The following RAB7B variants were observed in gnomAD, a reference collection of about 807,000 sequenced individuals.
The protein encoded by RAB7B is ras-related protein Rab-7b.
chr1:205,998,496 C>T (rs1178568425), intron 1 of RAB7B, among the ~76,000 whole-genome samples: 3 of 152,174 alleles, frequency 2.0e-5, no homozygotes, highest in African/African-American at 7.2e-5. Context: ...TTCAACAAAA[C>T]CCTAGGAGAG....
chr1:206,001,032 A>T (rs1397296802), intron 1 of RAB7B, among the ~76,000 whole-genome samples: 1 of 152,114 alleles, frequency 6.6e-6, no homozygotes, highest in Admixed American at 6.5e-5. Flanking sequence ...GTGTGCTGCT[A>T]CTGCAGGTTC....
At chr1:205,993,287 A>G (rs1660756087) in intron 3 of RAB7B, 133 bp downstream of exon 3, 1 of 394,564 alleles carries the variant, frequency 2.5e-6, no homozygotes, top group Non-Finnish European at 4.5e-6. Flanking sequence ...GATTTGGCCC[A>G]TGAGCTGAAG....
At chr1:205,988,986 C>G (rs1660669334) in intron 4 of RAB7B, among the ~76,000 whole-genome samples, 1 of 152,112 alleles carries the variant, frequency 6.6e-6, no homozygotes, top group South Asian at 2.1e-4. Context: ...CTTCTGCTCT[C>G]TCCCACACAC....
chr1:205,994,202 A>T (rs1438270774), intron 1 of RAB7B, 51 bp from the exon 2 acceptor site: 1 of 398,268 alleles, frequency 2.5e-6, no homozygotes, highest in African/African-American at 2.1e-5. Flanking sequence ...CCTTGTGGCC[A>T]TTGTCACTGA....
chr1:205,980,049 T>C (rs1660460027), intron 5 of RAB7B, among the ~76,000 whole-genome samples: 1 of 152,058 alleles, frequency 6.6e-6, no homozygotes, highest in African/African-American at 2.4e-5. Context: ...TGCCCCCAAA[T>C]ACATAAGAAG....
intron 1 of RAB7B, among the ~76,000 whole-genome samples, chr1:206,001,208 C>T (rs990347403): frequency 4.0e-5 from 6 of 151,632 alleles, no homozygotes; most frequent in Admixed American, 3.9e-4. Context: ...CTAGGAGGCA[C>T]ACGCAGATCT....
In RAB7B at chr1:205,978,678, C is replaced by G. The variant is rs1439893988; in HGVS notation, c.*173G>C. 2.6e-6 allele frequency: 1 copy of G among 391,870 alleles called. No homozygotes were observed. Among genetic ancestry groups the G allele is most frequent in the East Asian group, 3.6e-5 (1 of 27,740 alleles). 24.3% of individuals were successfully genotyped at this position (391,870 alleles called of 1,614,324 possible). A position where few individuals can be genotyped will look rare whatever the true frequency, so the allele number is the denominator to read the frequency against. On this transcript the variant is annotated 3_prime_UTR_variant, in exon 6 of 6. Transcript: ENST00000617070. ...CTCAGCCTGAGCCAGGGGCTGCCCT[C>G]TGACTCTGGGCCCAGCACCAGGGTC...
chr1:205,983,818 C>G (rs943989590), intron 5 of RAB7B: 10 of 152,196 alleles, frequency 6.6e-5, no homozygotes, highest in African/African-American at 1.9e-4. Flanking sequence ...CCACTGTCTA[C>G]TAACAGCACC....
chr1:205,982,126 T>C (rs1400665950), intron 5 of RAB7B, among the ~76,000 whole-genome samples: 1 of 152,252 alleles, frequency 6.6e-6, no homozygotes, highest in Admixed American at 6.5e-5. Flanking sequence ...CGTTTCCACC[T>C]GGTGTCTCGA....
At chr1:205,983,543 A>G (rs1660532264) in intron 5 of RAB7B, among the ~76,000 whole-genome samples, 1 of 152,134 alleles carries the variant, frequency 6.6e-6, no homozygotes, top group Non-Finnish European at 1.5e-5. Flanking sequence ...TGACAACTCA[A>G]TGGATATTTA....
intron 1 of RAB7B, among the ~76,000 whole-genome samples, chr1:205,995,903 G>A (rs952726264): frequency 3.7e-4 from 57 of 152,288 alleles, no homozygotes; most frequent in African/African-American, 1.4e-3. Context: ...AAATAAGCAT[G>A]TGAGGTAATG....
chr1:205,978,047 T>A lies in RAB7B; in HGVS notation c.*804A>T, dbSNP rs899726541. ...ACTTCAATGCATCGTACATAGTAGA[T>A]ACGCAAAAATAAACTTGTCAAAGAA... On this transcript the variant is annotated 3_prime_UTR_variant, in exon 6 of 6. Transcript: ENST00000617070. The A allele has an allele frequency of 6.6e-6, 1 of 152,240 alleles. No homozygotes were observed. The highest frequency in any genetic ancestry group is 1.5e-5 in the Non-Finnish European group (1 of 68,044). 9.4% of individuals were successfully genotyped at this position (152,240 alleles called of 1,614,324 possible).
At chr1:205,980,355 G>A (rs1660467263) in intron 5 of RAB7B, among the ~76,000 whole-genome samples, 1 of 152,232 alleles carries the variant, frequency 6.6e-6, no homozygotes, top group Non-Finnish European at 1.5e-5. Flanking sequence ...TCATCGCTGA[G>A]CTCTTTCCGT....
intron 1 of RAB7B, among the ~76,000 whole-genome samples, chr1:206,001,635 C>T (rs1021802420): frequency 3.9e-5 from 6 of 152,186 alleles, no homozygotes; most frequent in African/African-American, 7.2e-5. Context: ...AGGACTCTGC[C>T]TTCAGCCAGC....
intron 4 of RAB7B, among the ~76,000 whole-genome samples, chr1:205,990,752 C>T (rs1356473307): frequency 4.0e-5 from 6 of 150,472 alleles, no homozygotes; most frequent in Admixed American, 3.3e-4. Flanking sequence ...TGCAACACCT[C>T]TCAGGCCAGA....
intron 4 of RAB7B, among the ~76,000 whole-genome samples, chr1:205,986,313 A>G (rs1278850501): frequency 6.6e-6 from 1 of 152,186 alleles, no homozygotes; most frequent in African/African-American, 2.4e-5. Context: ...ATATGAACTC[A>G]TCTCATCCTC....
intron 1 of RAB7B, among the ~76,000 whole-genome samples, chr1:206,002,829 A>C (rs1660911724): frequency 6.6e-6 from 1 of 152,218 alleles, no homozygotes; most frequent in Non-Finnish European, 1.5e-5. Flanking sequence ...TCCCCTGATG[A>C]GACCCTTAGG....
intron 5 of RAB7B, among the ~76,000 whole-genome samples, chr1:205,981,149 G>A (rs923355927): frequency 1.3e-5 from 2 of 151,942 alleles, no homozygotes; most frequent in African/African-American, 4.8e-5. Flanking sequence ...CTGCCTTGCC[G>A]GATGTAATCC....
intron 1 of RAB7B, among the ~76,000 whole-genome samples, chr1:205,994,601 G>A (rs1364677424): frequency 6.6e-5 from 10 of 152,170 alleles, no homozygotes; most frequent in Admixed American, 5.9e-4. Context: ...CCCCCAGCCC[G>A]AGGTCTAGCT....
Sources: gnomAD v4.1 joint callset for allele counts (sites outside exome capture counted in the v4.1 genomes callset) on GRCh38, gnomAD v4.1.1 for gene constraint, MANE v1.5 for transcripts, NCBI Gene and HGNC (gene_info 2026-07-23, HGNC 2026-07-21) for gene names.